B3GALT1: variants seen among roughly 807,000 people sequenced by gnomAD.
B3GALT1 encodes the protein UDP-Gal:betaGlcNAc beta 1,3-galactosyltransferase, polypeptide 1.
A neutral mutation model predicts 23.2 loss-of-function variants in B3GALT1; 10 were observed. The observed-to-expected ratio is 0.43, with a 90% CI of 0.27 to 0.73. The LOEUF is 0.73. Ranked by LOEUF, B3GALT1 falls within the 30% of genes least tolerant of loss-of-function variation. The pLI, the probability that B3GALT1 is intolerant of heterozygous loss-of-function variation, is 0.21. For missense variants in B3GALT1, 299 were observed against 405.4 expected, an observed-to-expected ratio of 0.74 and a Z score of 2.25; for synonymous variants, 156 against 141.5, an observed-to-expected ratio of 1.10 and a Z score of -0.73.
At chr2:167,770,657 C>A (rs1688057770) in intron 3 of B3GALT1, among the ~76,000 whole-genome samples, 1 of 152,008 alleles carries the variant, frequency 6.6e-6, no homozygotes, top group Admixed American at 6.6e-5. Flanking sequence ...TTTCATAGAT[C>A]ATACTATTTC....
chr2:167,489,797 T>C (rs1336105072), intron 1 of B3GALT1, among the ~76,000 whole-genome samples: 1 of 152,194 alleles, frequency 6.6e-6, no homozygotes, highest in Non-Finnish European at 1.5e-5. Context: ...TGTTTAGAAC[T>C]AACAATATTC....
At chr2:167,814,589 G>A (rs568293028) in intron 3 of B3GALT1, among the ~76,000 whole-genome samples, 8 of 151,880 alleles carry the variant, frequency 5.3e-5, no homozygotes, top group South Asian at 2.1e-4. Flanking sequence ...GTGAAATCCC[G>A]TCTCTACTAA....
intron 1 of B3GALT1, among the ~76,000 whole-genome samples, chr2:167,327,022 C>A (rs563400585): frequency 6.6e-6 from 1 of 152,144 alleles, no homozygotes; most frequent in African/African-American, 2.4e-5. Context: ...GTGTCCTTTC[C>A]CCAATGTATG....
chr2:167,459,087 CTGATAT>C (rs1385052119), intron 1 of B3GALT1, among the ~76,000 whole-genome samples: 2 of 152,054 alleles, frequency 1.3e-5, no homozygotes, highest in Admixed American at 1.3e-4. Flanking sequence ...TGTCTTTTGA[CTGATAT>C]TATTTCATTT....
intron 3 of B3GALT1, among the ~76,000 whole-genome samples, chr2:167,764,984 C>A (rs1238940030): frequency 6.6e-6 from 1 of 152,124 alleles, no homozygotes; most frequent in Non-Finnish European, 1.5e-5. Flanking sequence ...TAAAGTGACT[C>A]ATCTCCAGAT....
intron 3 of B3GALT1, among the ~76,000 whole-genome samples, chr2:167,675,571 T>A (rs1394137008): frequency 6.6e-6 from 1 of 152,042 alleles, no homozygotes; most frequent in Non-Finnish European, 1.5e-5. Flanking sequence ...CTGATACAGG[T>A]GATTGGAATG....
chr2:167,541,746 A>C (rs187378937), intron 2 of B3GALT1, among the ~76,000 whole-genome samples: 3 of 152,100 alleles, frequency 2.0e-5, no homozygotes, highest in Non-Finnish European at 4.4e-5. Flanking sequence ...GCTCACCCCA[A>C]ACTCCCAACA....
chr2:167,717,147 T>G (rs1396666481), intron 3 of B3GALT1, among the ~76,000 whole-genome samples: 2 of 152,106 alleles, frequency 1.3e-5, no homozygotes, highest in Non-Finnish European at 2.9e-5. Context: ...ATTTTTTCTT[T>G]CTTTCCTTTA....
Position 167,553,596 on chromosome 2 carries a change from C to T in B3GALT1, c.-410+63319C>T, listed in dbSNP as rs72872871. 5.7e-3 allele frequency among the ~76,000 whole-genome samples: 868 copies of T among 152,252 alleles called. 5 individuals are homozygous for T. Among genetic ancestry groups the T allele is most frequent in the Non-Finnish European group, 8.5e-3 (577 of 68,028 alleles). ...GCCCTAGGTATTATACAATCCAAGA[C>T]CACTTCTGAGCCCTCCATTTCATCT... is the stretch of plus-strand genomic sequence containing the variant. On this transcript the variant is annotated intron_variant, in intron 2 of 4. Transcript: ENST00000392690.
At chr2:167,776,459 T>C (rs551987493) in intron 3 of B3GALT1, among the ~76,000 whole-genome samples, 1 of 152,312 alleles carries the variant, frequency 6.6e-6, no homozygotes, top group South Asian at 2.1e-4. Context: ...ACAGAGCTGA[T>C]GACATAGGGT....
chr2:167,349,673 A>T (rs1400626570), intron 1 of B3GALT1, among the ~76,000 whole-genome samples: 1 of 152,196 alleles, frequency 6.6e-6, no homozygotes, highest in Non-Finnish European at 1.5e-5. Context: ...AATGGAAAAG[A>T]CATTAAATTT....
chr2:167,565,404 C>G (rs1421054100), intron 2 of B3GALT1, among the ~76,000 whole-genome samples: 2 of 152,110 alleles, frequency 1.3e-5, no homozygotes, highest in African/African-American at 4.8e-5. Flanking sequence ...CACAAAAACC[C>G]TAGAAGAAAA....
At chr2:167,641,205 CTCTA>C (rs1685647467) in intron 2 of B3GALT1, among the ~76,000 whole-genome samples, 1 of 152,084 alleles carries the variant, frequency 6.6e-6, no homozygotes, top group African/African-American at 2.4e-5. Context: ...TTTTAATAAC[CTCTA>C]TCTATGTGGA....
intron 1 of B3GALT1, among the ~76,000 whole-genome samples, chr2:167,344,134 A>G (rs1304859778): frequency 6.6e-6 from 1 of 152,200 alleles, no homozygotes; most frequent in Non-Finnish European, 1.5e-5. Flanking sequence ...AAGTAAATAC[A>G]ATATCAATGT....
chr2:167,633,316 G>T (rs575362598), intron 2 of B3GALT1, among the ~76,000 whole-genome samples: 1 of 140,646 alleles, frequency 7.1e-6, no homozygotes, highest in Non-Finnish European at 1.5e-5. Flanking sequence ...AAAGGGAACC[G>T]CCCATCAGAC....
chr2:167,572,631 C>G (rs1272754961), intron 2 of B3GALT1, among the ~76,000 whole-genome samples: 3 of 151,810 alleles, frequency 2.0e-5, no homozygotes, highest in African/African-American at 7.2e-5. Context: ...TGGTACACAT[C>G]TGCCGATTGA....
chr2:167,446,338 T>C (rs1009916717), intron 1 of B3GALT1, among the ~76,000 whole-genome samples: 4 of 152,194 alleles, frequency 2.6e-5, no homozygotes, highest in Non-Finnish European at 5.9e-5. Flanking sequence ...GACAATTATG[T>C]GTCTTGGAGT....
chr2:167,583,717 C>A (rs1684530772), intron 2 of B3GALT1, among the ~76,000 whole-genome samples: 1 of 152,172 alleles, frequency 6.6e-6, no homozygotes, highest in African/African-American at 2.4e-5. Context: ...AATCACTTTA[C>A]ATGTCCAGGG....
intron 3 of B3GALT1, among the ~76,000 whole-genome samples, chr2:167,759,798 G>A (rs1253524104): frequency 6.6e-6 from 1 of 152,148 alleles, no homozygotes; most frequent in African/African-American, 2.4e-5. Flanking sequence ...AGCCATGTCT[G>A]TGGTAAGCTA....
Sources: gnomAD v4.1 joint callset for allele counts (sites outside exome capture counted in the v4.1 genomes callset) on GRCh38, gnomAD v4.1.1 for gene constraint, MANE v1.5 for transcripts, NCBI Gene and HGNC (gene_info 2026-07-23, HGNC 2026-07-21) for gene names.